The following OPRM1 variants were observed in gnomAD, a reference collection of about 807,000 sequenced individuals.
The protein encoded by OPRM1 is opioid receptor mu 1, also known as mu-type opioid receptor.
Under a neutral mutation model 31.8 loss-of-function variants are expected in OPRM1, and 27 were observed. The ratio of observed to expected loss-of-function variants is 0.85; its 90% CI spans 0.63 to 1.17. OPRM1 has a LOEUF of 1.17. Among genes scored for constraint, OPRM1 ranks in the 50% most tolerant of loss-of-function variants. The pLI is 0.00. For missense variants in OPRM1, 536 were observed against 511.1 expected (o/e 1.05, Z -0.47); for synonymous variants, 196 against 189.9 (o/e 1.03, Z -0.26).
chr6:154,034,800 A>G (rs1046926981), upstream of OPRM1, among the ~76,000 whole-genome samples: 4 of 152,130 alleles, frequency 2.6e-5, no homozygotes, highest in African/African-American at 9.7e-5. Context: ...TTGAAGAGCA[A>G]GACTTGAATA....
chr6:154,194,026 G>A (rs1276644512), intron 3 of OPRM1, among the ~76,000 whole-genome samples: 23 of 152,326 alleles, frequency 1.5e-4, no homozygotes, highest in Non-Finnish European at 3.4e-4. Flanking sequence ...GCAGGAATTT[G>A]TGACCATGAG....
At chr6:154,185,381 G>A (rs1801247510) in intron 3 of OPRM1, among the ~76,000 whole-genome samples, 1 of 152,128 alleles carries the variant, frequency 6.6e-6, no homozygotes, top group African/African-American at 2.4e-5. Flanking sequence ...ATTTCTAACA[G>A]GTACTTTGTA....
intron 3 of OPRM1, among the ~76,000 whole-genome samples, chr6:154,175,397 T>TC (rs1267943876): frequency 1.3e-5 from 2 of 151,132 alleles, no homozygotes; most frequent in East Asian, 3.9e-4. Context: ...TTTTTTTTTT[T>TC]TGAAAAGATC....
At chr6:154,151,804 G>A (rs1459115805) in intron 3 of OPRM1, among the ~76,000 whole-genome samples, 1 of 152,024 alleles carries the variant, frequency 6.6e-6, no homozygotes, top group Non-Finnish European at 1.5e-5. Flanking sequence ...CCTAGAATAC[G>A]TGACTGGAAA....
chr6:154,238,697 T>A (rs562398049), intron 3 of OPRM1, among the ~76,000 whole-genome samples: 1 of 152,206 alleles, frequency 6.6e-6, no homozygotes, highest in Admixed American at 6.5e-5. Context: ...ACCTTTTTTA[T>A]AATTTTTATT....
At chr6:154,171,054 G>A (rs910840805) in intron 3 of OPRM1, among the ~76,000 whole-genome samples, 1 of 152,068 alleles carries the variant, frequency 6.6e-6, no homozygotes, top group African/African-American at 2.4e-5. Context: ...TGCCACTTTA[G>A]AAAATAGTTT....
chr6:154,063,648 C>T (rs1188042663), intron 1 of OPRM1, among the ~76,000 whole-genome samples: 3 of 151,938 alleles, frequency 2.0e-5, no homozygotes, highest in African/African-American at 7.2e-5. Flanking sequence ...AACAATAATA[C>T]CCATTCGTTC....
At chr6:154,188,599 C>G (rs988654270) in intron 3 of OPRM1, among the ~76,000 whole-genome samples, 1 of 152,076 alleles carries the variant, frequency 6.6e-6, no homozygotes, top group African/African-American at 2.4e-5. Flanking sequence ...AAAAAAAGAA[C>G]AAAGTAGGAA....
chr6:154,162,646 C>T (rs1163425282), intron 3 of OPRM1, among the ~76,000 whole-genome samples: 4 of 152,200 alleles, frequency 2.6e-5, no homozygotes, highest in Non-Finnish European at 5.9e-5. Context: ...CCTTGTCACG[C>T]CACCTCTTCT....
intron 1 of OPRM1, among the ~76,000 whole-genome samples, chr6:154,012,835 A>G (rs1562366757): frequency 1.3e-5 from 2 of 152,074 alleles, no homozygotes; most frequent in Non-Finnish European, 2.9e-5. Context: ...AGGTTTATAG[A>G]TAGCCGTCCT....
At chr6:154,207,686 T>C (rs1009975624) in intron 3 of OPRM1, among the ~76,000 whole-genome samples, 2 of 152,238 alleles carry the variant, frequency 1.3e-5, no homozygotes, top group South Asian at 4.1e-4. Flanking sequence ...TCCTCCTCTG[T>C]CGCTGGCCAA....
chr6:154,143,918 T>C (rs1270864687), intron 3 of OPRM1, among the ~76,000 whole-genome samples: 7 of 152,200 alleles, frequency 4.6e-5, no homozygotes, highest in Middle Eastern at 3.4e-3. Flanking sequence ...GACAACCCTC[T>C]AGCAAGACTG....
chr6:154,087,434 A>G (rs1790864505), intron 1 of OPRM1: 1 of 985,320 alleles, frequency 1.0e-6, no homozygotes, highest in African/African-American at 1.7e-5. Context: ...AAAGGAATTG[A>G]TGGCACCGTG....
At chr6:154,115,901 C>T (rs1796826706) in intron 3 of OPRM1, among the ~76,000 whole-genome samples, 1 of 152,240 alleles carries the variant, frequency 6.6e-6, no homozygotes, top group Non-Finnish European at 1.5e-5. Flanking sequence ...ATCATCCGAT[C>T]ATTCCCTTCT....
Position 154,212,824 on chromosome 6 carries a change from T to A in OPRM1, c.1165-33869T>A, listed in dbSNP as rs775096951. ...GGGGTGGTGTCTCCGCAGCTATTTC[T>A]GGATCTTCCTGTTCACTTTCACTGT... On this transcript the variant is annotated intron_variant, in intron 3 of 3. Coordinates refer to the OPRM1 transcript ENST00000337049. The A allele has an allele frequency of 2.5e-6, 4 of 1,613,542 alleles. No individual in the cohort carries two copies. In the Admixed American group the frequency reaches 6.7e-5, roughly 27 times the overall value.
intron 1 of OPRM1, chr6:154,083,728 G>A (rs1166288017): frequency 6.6e-6 from 1 of 152,444 alleles, no homozygotes; most frequent in Non-Finnish European, 1.5e-5. Context: ...GGATCACGAG[G>A]TCAGGAGATC....
chr6:154,076,978 CAT>C (rs995398565), intron 1 of OPRM1, among the ~76,000 whole-genome samples: 6 of 151,800 alleles, frequency 4.0e-5, no homozygotes, highest in African/African-American at 1.5e-4. Context: ...AATTATAAAA[CAT>C]AAAAAATTGC....
intron 1 of OPRM1, among the ~76,000 whole-genome samples, chr6:154,078,023 A>T (rs148030530): frequency 6.6e-6 from 1 of 152,088 alleles, no homozygotes; most frequent in Non-Finnish European, 1.5e-5. Flanking sequence ...ACCACTATAG[A>T]CTTCATGATA....
At chr6:154,197,326 C>A (rs1776697943) in intron 3 of OPRM1, among the ~76,000 whole-genome samples, 2 of 152,116 alleles carry the variant, frequency 1.3e-5, no homozygotes, top group African/African-American at 4.8e-5. Flanking sequence ...CAAGTCATCA[C>A]AAATGCAAGC....
Sources: allele counts gnomAD v4.1 joint callset (sites outside exome capture counted in the v4.1 genomes callset), GRCh38; gene constraint gnomAD v4.1.1; transcripts MANE v1.5; gene names NCBI Gene and HGNC (gene_info 2026-07-23, HGNC 2026-07-21).